The following THSD4 variants were observed in gnomAD, a reference collection of about 807,000 sequenced individuals.
THSD4 encodes the protein thrombospondin type-1 domain-containing protein 4.
THSD4 carries 69 observed loss-of-function variants against 119.0 expected under a neutral mutation model. That is an observed-to-expected ratio of 0.58 (90% confidence interval 0.48 to 0.71). The LOEUF (loss-of-function observed/expected upper bound fraction) is 0.71, where lower values mean the gene tolerates loss of function less well. Ranked by LOEUF, THSD4 falls within the 30% of genes least tolerant of loss-of-function variation. The probability of loss-of-function intolerance (pLI) is 0.00; values close to 1 mark genes in which losing one functional copy is unlikely to be tolerated. For missense variants in THSD4, 1,393 were observed against 1,391.1 expected (o/e 1.00, Z -0.02); for synonymous variants, 524 against 540.4 (o/e 0.97, Z 0.42).
chr15:71,287,905 T>C (rs1404453131), intron 6 of THSD4, among the ~76,000 whole-genome samples: 1 of 152,242 alleles, frequency 6.6e-6, no homozygotes, highest in African/African-American at 2.4e-5. Flanking sequence ...TTTCTATGGC[T>C]GAGAGCTAAT....
chr15:71,236,628 G>T (rs1386425298), intron 4 of THSD4, among the ~76,000 whole-genome samples: 1 of 152,202 alleles, frequency 6.6e-6, no homozygotes, highest in Non-Finnish European at 1.5e-5. Flanking sequence ...GGCAATAGTG[G>T]TTTGAGCCAT....
chr15:71,133,338 C>G (rs1160434485), intron 1 of THSD4, among the ~76,000 whole-genome samples: 1 of 152,134 alleles, frequency 6.6e-6, no homozygotes, highest in African/African-American at 2.4e-5. Context: ...GCAGTGGTGC[C>G]TCAGACAGGC....
intron 8 of THSD4, among the ~76,000 whole-genome samples, chr15:71,680,409 G>C (rs1051285519): frequency 6.6e-6 from 1 of 152,108 alleles, no homozygotes; most frequent in Non-Finnish European, 1.5e-5. Flanking sequence ...TCACATATTT[G>C]CCAAGTTTTT....
chr15:71,199,907 CATGTGTGGGGTGTGTGTGTGTGT>C, intron 3 of THSD4, among the ~76,000 whole-genome samples: 1 of 43,956 alleles, frequency 2.3e-5, no homozygotes, highest in Non-Finnish European at 7.5e-5. Context: ...GTGTGTGGTG[CATGTGTGGGGTGTGTGTGTGTGT>C]GTGTGTATGG....
chr15:71,109,028 A>G (rs1250520802), intron 1 of THSD4, among the ~76,000 whole-genome samples: 1 of 150,444 alleles, frequency 6.6e-6, no homozygotes, highest in Non-Finnish European at 1.5e-5. Context: ...ACAAACAAAA[A>G]AACAAAAAGA....
At chr15:71,288,379 A>T (rs1020339364) in intron 6 of THSD4, among the ~76,000 whole-genome samples, 3 of 152,228 alleles carry the variant, frequency 2.0e-5, no homozygotes, top group Non-Finnish European at 4.4e-5. Flanking sequence ...AGGAAGTGAA[A>T]ACATGGGCCA....
intron 3 of THSD4, among the ~76,000 whole-genome samples, chr15:71,214,087 A>C (rs1469127051): frequency 6.9e-6 from 1 of 144,682 alleles, no homozygotes; most frequent in Non-Finnish European, 1.5e-5. Context: ...ACCAATCAGC[A>C]CTCTGTAAAA....
At chr15:71,552,393 C>T (rs1376869196) in intron 7 of THSD4, among the ~76,000 whole-genome samples, 1 of 152,034 alleles carries the variant, frequency 6.6e-6, no homozygotes, top group Non-Finnish European at 1.5e-5. Flanking sequence ...GCAGTGACAC[C>T]CTTTATTTAA....
intron 7 of THSD4, among the ~76,000 whole-genome samples, chr15:71,537,658 T>C (rs1595867036): frequency 6.6e-6 from 1 of 152,136 alleles, no homozygotes; most frequent in African/African-American, 2.4e-5. Flanking sequence ...ATTGAGTCTG[T>C]TTTTCCTGGT....
chr15:71,632,362 C>G (rs916312845), intron 7 of THSD4, among the ~76,000 whole-genome samples: 1 of 152,216 alleles, frequency 6.6e-6, no homozygotes, highest in Non-Finnish European at 1.5e-5. Context: ...CCTCCTTGAT[C>G]TGCCACCCAG....
intron 7 of THSD4, among the ~76,000 whole-genome samples, chr15:71,459,356 C>G (rs867661706): frequency 1.8e-4 from 25 of 140,472 alleles, no homozygotes; most frequent in African/African-American, 5.1e-4. Context: ...GTCTCTCTCT[C>G]TCTCTCTGTC....
At chr15:71,706,470 A>C (rs1249050045) in intron 8 of THSD4, among the ~76,000 whole-genome samples, 1 of 152,174 alleles carries the variant, frequency 6.6e-6, no homozygotes, top group Non-Finnish European at 1.5e-5. Context: ...TTCAGGACAA[A>C]AGATATAAAT....
chr15:71,127,024 C>CA (rs113254580), intron 1 of THSD4, among the ~76,000 whole-genome samples: 37 of 152,244 alleles, frequency 2.4e-4, no homozygotes, highest in African/African-American at 8.4e-4. Flanking sequence ...CAATAGATCT[C>CA]AAAAAAGGCT....
intron 8 of THSD4, among the ~76,000 whole-genome samples, chr15:71,704,366 A>G (rs1007981421): frequency 7.2e-5 from 11 of 152,202 alleles, no homozygotes; most frequent in African/African-American, 2.7e-4. Flanking sequence ...AGGTAATTGA[A>G]TCATGGGGAC....
At chr15:71,389,810 G>GTTGTTTTTTTTTTT (rs2046348588) in intron 6 of THSD4, among the ~76,000 whole-genome samples, 1 of 87,998 alleles carries the variant, frequency 1.1e-5, no homozygotes, top group Non-Finnish European at 2.2e-5. Flanking sequence ...TTTCTGGGTT[G>GTTGTTTTTTTTTTT]TTTTTTTTTT....
At position 71,780,644 on chromosome 15, in the gene THSD4, AG is replaced by A. The variant is rs2053983469; in HGVS notation, c.*3273del. The stretch of plus-strand genomic sequence containing the variant: ...CTGCAAGCTGTTGGGGACCCCAGGG[AG>A]GGCAAGGCAGCCTGTCCCCGCCCCC... On this transcript the variant is annotated 3_prime_UTR_variant, in exon 18 of 18. Coordinates refer to ENST00000261862, the MANE Select transcript of THSD4 (RefSeq NM_024817.3). 1 of 456,700 alleles carries A rather than the reference AG, an allele frequency of 2.2e-6. No homozygotes were observed. Among genetic ancestry groups the A allele is most frequent in the Non-Finnish European group, 4.4e-6 (1 of 226,950 alleles). 28.3% of individuals were successfully genotyped at this position (456,700 alleles called of 1,614,324 possible). A position where few individuals can be genotyped will look rare whatever the true frequency, so the allele number is the denominator to read the frequency against.
At chr15:71,706,877 C>T (rs1162696690) in intron 8 of THSD4, among the ~76,000 whole-genome samples, 1 of 152,104 alleles carries the variant, frequency 6.6e-6, no homozygotes, top group Non-Finnish European at 1.5e-5. Flanking sequence ...AGAACTGAGG[C>T]AAGACGTGGT....
chr15:71,210,634 A>G (rs917157022), intron 3 of THSD4, among the ~76,000 whole-genome samples: 15 of 152,240 alleles, frequency 9.9e-5, no homozygotes, highest in African/African-American at 3.1e-4. Flanking sequence ...TTGTATTTTT[A>G]TAGATCAAAG....
rs141767741 is a variant in THSD4, at chr15:71,757,967, C to A, written c.2481C>A (p.Ser827Arg). ...RSVVCMTNHV[S>R]SLPLEGCGNN... ...TGGTGTGCATGACCAACCATGTCAG[C>A]AGCCTGCCCCTGGAGGGCTGTGGGA... is the stretch of plus-strand genomic sequence containing the variant. The change falls in exon 15 of 18, where the codon AGC becomes AGA. Residue 827 changes from serine to arginine, a missense_variant. Transcript: ENST00000261862. 1.9e-6 allele frequency: 3 copies of A among 1,614,104 alleles called. No individual in the cohort carries two copies. The highest frequency in any genetic ancestry group is 2.5e-6 in the Non-Finnish European group (3 of 1,180,036).
Sources: gnomAD v4.1 joint callset for allele counts (sites outside exome capture counted in the v4.1 genomes callset) on GRCh38, gnomAD v4.1.1 for gene constraint, MANE v1.5 for transcripts, NCBI Gene and HGNC (gene_info 2026-07-23, HGNC 2026-07-21) for gene names.